Variants in COL15A1 observed in about 807,000 individuals in gnomAD.
COL15A1 encodes collagen type XV alpha 1 chain, also known as collagen alpha-1(XV) chain.
Under a neutral mutation model 165.9 loss-of-function variants are expected in COL15A1, and 111 were observed. The ratio of observed to expected loss-of-function variants is 0.67; its 90% CI spans 0.57 to 0.78. COL15A1 has a LOEUF of 0.78. Ranked by LOEUF, COL15A1 falls within the 30% of genes least tolerant of loss-of-function variation. COL15A1 has a pLI of 0.00. For missense variants in COL15A1, 1,745 were observed against 1,789.7 expected, an observed-to-expected ratio of 0.98 and a Z score of 0.45; for synonymous variants, 659 against 674.8, an observed-to-expected ratio of 0.98 and a Z score of 0.36.
At chr9:98,953,500 A>G (rs1189088622) in intron 2 of COL15A1, among the ~76,000 whole-genome samples, 1 of 151,988 alleles carries the variant, frequency 6.6e-6, no homozygotes, top group Admixed American at 6.6e-5. Context: ...AACCCCATCA[A>G]ACTCAACCCA....
chr9:99,040,389 T>C (rs1434799754), intron 22 of COL15A1, 132 bp from the exon 23 acceptor site: 18 of 1,447,472 alleles, frequency 1.2e-5, no homozygotes, highest in Non-Finnish European at 1.6e-5. Context: ...TCTTCCCTAA[T>C]GCTGTGTCAA....
chr9:98,970,411 A>G (rs1342165661), intron 2 of COL15A1, among the ~76,000 whole-genome samples: 5 of 152,242 alleles, frequency 3.3e-5, no homozygotes, highest in Admixed American at 2.6e-4. Flanking sequence ...CAGAAAATGT[A>G]CCCAAATCAG....
In COL15A1 at chr9:99,059,954, G is replaced by C; in HGVS notation, c.3402+1G>C. On this transcript the variant is annotated splice_donor_variant, in intron 36 of 41. Transcript: ENST00000375001. LOFTEE classifies it high-confidence loss of function. Reference sequence around the variant, plus strand: ...AGGGCTTCCCGGATCCAGAAACCTGGTCAGTATTATCATCAGTGTGTAGTC... The same window carrying C: ...AGGGCTTCCCGGATCCAGAAACCTGCTCAGTATTATCATCAGTGTGTAGTC... 6.2e-7 allele frequency: 1 copy of C among 1,613,878 alleles called. No individual in the cohort carries two copies. Among genetic ancestry groups the C allele is most frequent in the Non-Finnish European group, 8.5e-7 (1 of 1,179,922 alleles).
chr9:99,007,857 A>G (rs1461603317), intron 9 of COL15A1, among the ~76,000 whole-genome samples: 1 of 152,226 alleles, frequency 6.6e-6, no homozygotes, highest in African/African-American at 2.4e-5. Context: ...ATTATTATGG[A>G]GACTTGTAGC....
At chr9:99,052,913 G>A (rs1334325052) in intron 31 of COL15A1, among the ~76,000 whole-genome samples, 1 of 152,218 alleles carries the variant, frequency 6.6e-6, no homozygotes, top group East Asian at 1.9e-4. Context: ...ATGCAACTTT[G>A]TAAGCATCTC....
At position 99,044,569 on chromosome 9, in the gene COL15A1, G is replaced by A; in HGVS notation, c.2576G>A (p.Gly859Asp). 1.9e-6 allele frequency: 3 copies of A among 1,614,042 alleles called. No individual in the cohort carries two copies. Among genetic ancestry groups the A allele is most frequent in the Admixed American group, 1.7e-5 (1 of 60,020 alleles). ...ATTGAGATGTTCTCTGAATTGCAGG[G>A]CGAGAAGGGAGAGCCGGGTGCCATC... ...PGFPGLKGEQ[G>D]EKGEPGAILT... is the part of the protein sequence containing the mutation. The change falls in exon 25 of 42, where the codon GGC becomes GAC. Residue 859 changes from glycine (G) to aspartate (D), a missense_variant and splice_region_variant. Gly to Asp is a moderately conservative substitution (Grantham distance 94). Transcript: ENST00000375001.
chr9:99,047,871 G>C (rs201547786), intron 27 of COL15A1, 32 bp downstream of exon 27: 13 of 1,612,794 alleles, frequency 8.1e-6, no homozygotes, highest in East Asian at 2.2e-5. Flanking sequence ...ACAGGCTGGA[G>C]GGGGAGGACA....
At chr9:99,059,586 A>G (rs914501003) in intron 35 of COL15A1, among the ~76,000 whole-genome samples, 5 of 152,264 alleles carry the variant, frequency 3.3e-5, no homozygotes, top group Non-Finnish European at 7.3e-5. Context: ...GTGACAAAAT[A>G]TTCAACTTAA....
chr9:98,984,229 C>T (rs1013938728), intron 2 of COL15A1, among the ~76,000 whole-genome samples: 3 of 152,230 alleles, frequency 2.0e-5, no homozygotes, highest in Non-Finnish European at 4.4e-5. Context: ...TCTTGTCCCC[C>T]TCTCCCTGGG....
chr9:99,034,502 T>A, intron 16 of COL15A1, 47 bp from the exon 17 acceptor site: 5 of 1,569,134 alleles, frequency 3.2e-6, no homozygotes, highest in East Asian at 2.3e-5. Context: ...ACACACCTCA[T>A]GACATATGCA....
intron 2 of COL15A1, among the ~76,000 whole-genome samples, chr9:98,952,998 G>A (rs550289644): frequency 4.6e-5 from 7 of 152,242 alleles, no homozygotes; most frequent in African/African-American, 1.2e-4. Context: ...ATTAAGCCAC[G>A]AATTCTTTAG....
chr9:99,034,668 G>A, intron 17 of COL15A1, 84 bp downstream of exon 17: 1 of 1,468,572 alleles, frequency 6.8e-7, no homozygotes, highest in Non-Finnish European at 9.0e-7. Context: ...TTGGACTGCT[G>A]GGCTGGAATA....
At chr9:99,062,397 G>C (rs1825831778) in intron 38 of COL15A1, 93 bp downstream of exon 38, 1 of 953,470 alleles carries the variant, frequency 1.0e-6, no homozygotes, top group Admixed American at 1.7e-5. Context: ...TCCAAACTCT[G>C]GACAGTCAGC....
At chr9:98,951,577 ATT>A (rs1026065781) in intron 2 of COL15A1, among the ~76,000 whole-genome samples, 16 of 151,994 alleles carry the variant, frequency 1.1e-4, no homozygotes, top group Non-Finnish European at 2.1e-4. Context: ...TTCTATTATT[ATT>A]TTTTGGGACA....
intron 4 of COL15A1, among the ~76,000 whole-genome samples, 155 bp from the exon 5 acceptor site, chr9:98,989,023 G>GACACACAT (rs1554686006): frequency 1.4e-5 from 2 of 144,296 alleles, no homozygotes; most frequent in Non-Finnish European, 3.1e-5. Context: ...GTCTCTCATA[G>GACACACAT]ACACACACAC....
rs1839261445 is a variant in COL15A1 at position 99,034,535 on chromosome 9, T to C, written c.2044-14T>C. On this transcript the variant is annotated splice_polypyrimidine_tract_variant and intron_variant, in intron 16 of 41. Transcript: ENST00000375001. Reference sequence around the variant, plus strand: ...GCATTAATTGGTCCATGTTTTTGTTTTTGTTTTTTTCAGGGAGCAAGAGGG... The same window carrying C: ...GCATTAATTGGTCCATGTTTTTGTTCTTGTTTTTTTCAGGGAGCAAGAGGG... The C allele has an allele frequency of 6.3e-7, 1 of 1,585,718 alleles. No homozygotes were observed. The highest frequency in any genetic ancestry group is 1.2e-5 in the South Asian group (1 of 83,732).
intron 30 of COL15A1, among the ~76,000 whole-genome samples, chr9:99,051,394 G>A (rs753843033): frequency 2.0e-5 from 3 of 152,134 alleles, no homozygotes; most frequent in Non-Finnish European, 4.4e-5. Flanking sequence ...TGCCTGGCTA[G>A]ATACTGTAGG....
At chr9:99,057,360 C>T (rs1825736631) in intron 35 of COL15A1, among the ~76,000 whole-genome samples, 1 of 152,140 alleles carries the variant, frequency 6.6e-6, no homozygotes, top group South Asian at 2.1e-4. Flanking sequence ...TTGTCAATGC[C>T]TTAGGGGCGT....
chr9:99,063,215 T>C, intron 39 of COL15A1, 106 bp downstream of exon 39: 1 of 1,293,788 alleles, frequency 7.7e-7, no homozygotes, highest in Admixed American at 3.8e-5. Context: ...ACTTATAGAC[T>C]AGTGAGAGAG....
Sources: gnomAD v4.1 joint callset for allele counts (sites outside exome capture counted in the v4.1 genomes callset) on GRCh38, gnomAD v4.1.1 for gene constraint, MANE v1.5 for transcripts, NCBI Gene and HGNC (gene_info 2026-07-23, HGNC 2026-07-21) for gene names.